Variants in EDIL3 observed in about 807,000 individuals in gnomAD.
EDIL3 encodes the protein EGF like and discoidin domains 3.
A neutral mutation model predicts 67.4 loss-of-function variants in EDIL3; 37 were observed. The observed-to-expected ratio is 0.55, with a 90% CI of 0.42 to 0.72. EDIL3 has a LOEUF of 0.72. Ranked by LOEUF, EDIL3 falls within the 30% of genes least tolerant of loss-of-function variation. EDIL3 has a pLI of 0.00. For missense variants in EDIL3, 527 were observed against 586.3 expected, an observed-to-expected ratio of 0.90 and a Z score of 1.04; for synonymous variants, 195 against 196.3, an observed-to-expected ratio of 0.99 and a Z score of 0.05.
chr5:83,969,811 T>C (rs1345989157), intron 9 of EDIL3, among the ~76,000 whole-genome samples: 3 of 151,928 alleles, frequency 2.0e-5, no homozygotes, highest in African/African-American at 7.2e-5. Context: ...ATGAGGTATC[T>C]AGTGATGTTT....
intron 9 of EDIL3, among the ~76,000 whole-genome samples, chr5:83,990,229 C>T (rs1477496661): frequency 2.0e-5 from 3 of 152,118 alleles, no homozygotes; most frequent in African/African-American, 7.2e-5. Context: ...TGGCTCATGA[C>T]CATAATCCCA....
intron 9 of EDIL3, among the ~76,000 whole-genome samples, chr5:84,031,281 C>A (rs549016257): frequency 2.8e-4 from 42 of 152,242 alleles, no homozygotes; most frequent in Non-Finnish European, 3.8e-4. Context: ...ATACACTAAG[C>A]TGATTTTTTA....
intron 9 of EDIL3, among the ~76,000 whole-genome samples, chr5:84,008,927 C>G (rs1180062475): frequency 6.6e-6 from 1 of 152,134 alleles, no homozygotes; most frequent in African/African-American, 2.4e-5. Context: ...ATTCTCCTGC[C>G]TCAGCCTCCC....
intron 4 of EDIL3, among the ~76,000 whole-genome samples, chr5:84,139,539 A>C (rs1329804184): frequency 6.6e-6 from 1 of 152,180 alleles, no homozygotes; most frequent in African/African-American, 2.4e-5. Context: ...TGCCAACTCA[A>C]TTATGCATGA....
intron 6 of EDIL3, chr5:84,078,788 A>G (rs1393760540): frequency 2.0e-5 from 3 of 152,218 alleles, no homozygotes; most frequent in Non-Finnish European, 2.9e-5. Context: ...GCAATAGCAC[A>G]GTTACCTACA....
intron 1 of EDIL3, among the ~76,000 whole-genome samples, chr5:84,314,136 C>T (rs1435267804): frequency 2.0e-5 from 3 of 152,124 alleles, no homozygotes; most frequent in African/African-American, 7.2e-5. Flanking sequence ...GCGGAGGTTG[C>T]AGTGAGCCAA....
intron 1 of EDIL3, among the ~76,000 whole-genome samples, chr5:84,380,209 A>T (rs1748046194): frequency 2.6e-5 from 4 of 152,218 alleles, no homozygotes; most frequent in South Asian, 2.1e-4. Context: ...TGATAAAAAT[A>T]AAAAAATCAT....
chr5:84,119,454 CT>C (rs1035098010), intron 5 of EDIL3, among the ~76,000 whole-genome samples: 1 of 151,914 alleles, frequency 6.6e-6, no homozygotes, highest in Non-Finnish European at 1.5e-5. Context: ...ATAAAAATCT[CT>C]GCCTGGGGGA....
intron 6 of EDIL3, among the ~76,000 whole-genome samples, chr5:84,092,870 G>C (rs1398960106): frequency 6.6e-6 from 1 of 152,106 alleles, no homozygotes; most frequent in Non-Finnish European, 1.5e-5. Context: ...AGGTTTAACT[G>C]GTAGACTTCC....
intron 1 of EDIL3, among the ~76,000 whole-genome samples, chr5:84,351,587 T>C (rs532052636): frequency 7.2e-5 from 11 of 152,300 alleles, no homozygotes; most frequent in Admixed American, 6.5e-4. Flanking sequence ...TTAAAGGTGA[T>C]GTTAGAACAG....
At chr5:84,300,933 T>TACACACACACACACACACAC (rs5869219) in intron 1 of EDIL3, among the ~76,000 whole-genome samples, 1 of 149,598 alleles carries the variant, frequency 6.7e-6, no homozygotes, top group African/African-American at 2.5e-5. Flanking sequence ...CACAGACACA[T>TACACACACACACACACACAC]ACACACACAC....
intron 9 of EDIL3, among the ~76,000 whole-genome samples, chr5:84,021,700 G>T (rs1745719746): frequency 6.6e-6 from 1 of 151,998 alleles, no homozygotes; most frequent in African/African-American, 2.4e-5. Flanking sequence ...GTTCTGTAAA[G>T]GTTTGTTAGG....
intron 6 of EDIL3, among the ~76,000 whole-genome samples, chr5:84,080,400 C>T (rs1746944182): frequency 6.6e-6 from 1 of 151,672 alleles, no homozygotes; most frequent in Non-Finnish European, 1.5e-5. Context: ...TGAGCACTGA[C>T]ACTCTTCACT....
intron 1 of EDIL3, among the ~76,000 whole-genome samples, chr5:84,276,889 T>A (rs1745593357): frequency 6.6e-6 from 1 of 152,150 alleles, no homozygotes; most frequent in African/African-American, 2.4e-5. Context: ...ACTTACTTTT[T>A]GACTTTATGT....
intron 1 of EDIL3, among the ~76,000 whole-genome samples, chr5:84,279,376 A>G (rs1158497744): frequency 2.6e-5 from 4 of 152,146 alleles, no homozygotes; most frequent in African/African-American, 9.7e-5. Context: ...TACTTATGGG[A>G]GTCCTGCCAT....
chr5:84,073,434 A>G (rs1214481803), intron 6 of EDIL3, among the ~76,000 whole-genome samples: 1 of 152,086 alleles, frequency 6.6e-6, no homozygotes, highest in African/African-American at 2.4e-5. Context: ...ACATGATTGT[A>G]TACCTAGAAA....
rs1385626954 is a variant in EDIL3, at chr5:83,943,324, A to C, written c.*95T>G. On this transcript the variant is annotated 3_prime_UTR_variant, in exon 11 of 11. Coordinates refer to ENST00000296591, the MANE Select transcript of EDIL3 (RefSeq NM_005711.5). The stretch of plus-strand genomic sequence containing the variant: ...GAGCACTTTTTCATGAAAAAAAAAA[A>C]AAAACCATTCAGTTTCCTACAGATT... 17 of 1,541,876 alleles carry C rather than the reference A, an allele frequency of 1.1e-5. No individual in the cohort carries two copies. Among genetic ancestry groups the C allele is most frequent in the Admixed American group, 2.1e-5 (1 of 47,492 alleles).
chr5:84,286,606 A>G (rs1744158760), intron 1 of EDIL3, among the ~76,000 whole-genome samples: 2 of 152,112 alleles, frequency 1.3e-5, no homozygotes, highest in African/African-American at 2.4e-5. Context: ...TTACATATTT[A>G]GTTGGAGTCT....
At chr5:84,305,906 A>ATAG (rs1561251735) in intron 1 of EDIL3, among the ~76,000 whole-genome samples, 904 of 84,726 alleles carry the variant, frequency 0.011, 12 homozygotes, top group African/African-American at 0.024. Flanking sequence ...TAAATAAATA[A>ATAG]ATAAATAAAT....
Sources: allele counts gnomAD v4.1 joint callset (sites outside exome capture counted in the v4.1 genomes callset), GRCh38; gene constraint gnomAD v4.1.1; transcripts MANE v1.5; gene names NCBI Gene and HGNC (gene_info 2026-07-23, HGNC 2026-07-21).